The following AKAP6 variants were observed in gnomAD, a reference collection of about 807,000 sequenced individuals.
AKAP6 encodes the protein A-kinase anchor protein 6.
A neutral mutation model predicts 188.5 loss-of-function variants in AKAP6; 58 were observed. The observed-to-expected ratio is 0.31, with a 90% CI of 0.25 to 0.38. The LOEUF (loss-of-function observed/expected upper bound fraction) is 0.38. AKAP6 is among the 10% of genes least tolerant of loss of function. The pLI is 1.00. For missense variants in AKAP6, 2,710 were observed against 2,740.0 expected (o/e 0.99, Z 0.24); for synonymous variants, 989 against 998.6 (o/e 0.99, Z 0.18).
chr14:32,595,032 T>G (rs1421260166), intron 5 of AKAP6, among the ~76,000 whole-genome samples: 8 of 152,172 alleles, frequency 5.3e-5, no homozygotes, highest in Non-Finnish European at 1.2e-4. Context: ...TTCTCCATTT[T>G]TTCTTCTATT....
intron 7 of AKAP6, among the ~76,000 whole-genome samples, chr14:32,641,826 A>G (rs1424928108): frequency 1.3e-5 from 2 of 152,106 alleles, no homozygotes; most frequent in Admixed American, 1.3e-4. Flanking sequence ...AAAATGGGGG[A>G]GGGGAACACG....
chr14:32,441,506 A>C (rs1007371048), intron 2 of AKAP6, among the ~76,000 whole-genome samples: 1 of 152,166 alleles, frequency 6.6e-6, no homozygotes, highest in Non-Finnish European at 1.5e-5. Context: ...GTGCTAAATA[A>C]ATCCTTTTTT....
intron 11 of AKAP6, among the ~76,000 whole-genome samples, chr14:32,738,986 G>C (rs1347602734): frequency 1.3e-5 from 2 of 152,070 alleles, no homozygotes; most frequent in Non-Finnish European, 2.9e-5. Context: ...CCCTGCTCTA[G>C]ATTACAAAAA....
chr14:32,703,384 T>G (rs1890692666), intron 9 of AKAP6, among the ~76,000 whole-genome samples: 1 of 152,188 alleles, frequency 6.6e-6, no homozygotes, highest in Non-Finnish European at 1.5e-5. Context: ...AGCAGTGTGC[T>G]CCTAGAAAAC....
rs536231856 is a variant in AKAP6, at chr14:32,760,501, A to G, written c.3373-13177A>G. ...CTCTTAAGTTGTGGTTTGTTTTTCA[A>G]TCCACATTGCTTCTCAGATATTCAA... is the stretch of plus-strand genomic sequence containing the variant. On this transcript the variant is annotated intron_variant, in intron 11 of 13. Coordinates refer to ENST00000280979, the MANE Select transcript of AKAP6 (RefSeq NM_004274.5). Among the ~76,000 whole-genome samples, 9 of 152,286 alleles carry G rather than the reference A, an allele frequency of 5.9e-5. 1 individual carries two copies. Among genetic ancestry groups the G allele is most frequent in the African/African-American group, 1.9e-4 (8 of 41,558 alleles).
chr14:32,737,421 TATA>T (rs903414110), intron 11 of AKAP6, among the ~76,000 whole-genome samples: 1 of 152,180 alleles, frequency 6.6e-6, no homozygotes, highest in African/African-American at 2.4e-5. Context: ...ATGTTTGTAA[TATA>T]ATAATAACGT....
chr14:32,345,372 A>G (rs17098820), intron 1 of AKAP6, among the ~76,000 whole-genome samples: 2,190 of 152,332 alleles, frequency 0.014, 55 homozygotes, highest in African/African-American at 0.049. Flanking sequence ...CCACAGGTAC[A>G]GGTAAAAATT....
At chr14:32,751,055 T>C (rs1421023687) in intron 11 of AKAP6, among the ~76,000 whole-genome samples, 4 of 152,106 alleles carry the variant, frequency 2.6e-5, no homozygotes, top group Non-Finnish European at 5.9e-5. Context: ...TATACTGCAC[T>C]CTAGCCTGGG....
At chr14:32,787,978 A>AT (rs2033476173) in intron 12 of AKAP6, among the ~76,000 whole-genome samples, 1 of 147,128 alleles carries the variant, frequency 6.8e-6, no homozygotes, top group Non-Finnish European at 1.5e-5. Context: ...GAGTTCAAGG[A>AT]TGCAATGAGC....
At position 32,823,301 on chromosome 14, in the gene AKAP6, G is replaced by C. The variant is rs778409146; in HGVS notation, c.5488G>C (p.Asp1830His). The change falls in exon 13 of 14, where the codon GAT (aspartate) becomes CAT (histidine). Residue 1830 changes from aspartate to histidine, a missense_variant. This residue lies in a region of AKAP6 where 2,473 missense variants were observed against 2,426.1 expected (regional missense o/e 1.02). Transcript: ENST00000280979. ...CAGTGATGAGATGAAGGGCAGTAAA[G>C]ATATAAGTAGCAGTGAGATGACCAA... ...NVSDEMKGSK[D>H]ISSSEMTNPS... is the part of the protein sequence containing the mutation. 2.5e-6 allele frequency: 4 copies of C among 1,613,838 alleles called. No individual in the cohort carries two copies. Among genetic ancestry groups the C allele is most frequent in the Non-Finnish European group, 3.4e-6 (4 of 1,179,924 alleles).
In AKAP6 at chr14:32,773,707, T is replaced by A. The variant is rs2032967726; in HGVS notation, c.3402T>A (p.Arg1134=). The change falls in exon 12 of 14, where the codon CGT becomes CGA. Residue 1134 remains arginine (R), a synonymous_variant. Transcript: ENST00000280979. ...KSLCREIKQR[R]RGVASILRLC... ...TCTGTCGTGAAATCAAGCAACGACG[T>A]CGAGGAGTTGCCTCCATTCTGCGAC... is the stretch of plus-strand genomic sequence containing the variant. 1 of 1,614,114 alleles carries A rather than the reference T, an allele frequency of 6.2e-7. No homozygotes were observed.
intron 2 of AKAP6, among the ~76,000 whole-genome samples, chr14:32,480,140 T>G (rs8018953): frequency 0.28 from 42,145 of 152,058 alleles, 6,324 homozygotes; most frequent in African/African-American, 0.31. Context: ...TTTGCTAAAC[T>G]TCTATTTCCT....
chr14:32,537,442 T>A (rs917557845), intron 3 of AKAP6, among the ~76,000 whole-genome samples: 19 of 152,312 alleles, frequency 1.2e-4, no homozygotes, highest in Admixed American at 1.0e-3. Flanking sequence ...TTGCCCTAAA[T>A]CTGATATCCT....
intron 2 of AKAP6, among the ~76,000 whole-genome samples, chr14:32,458,122 G>A (rs1891204791): frequency 1.3e-5 from 2 of 152,168 alleles, no homozygotes; most frequent in South Asian, 2.1e-4. Flanking sequence ...CCCTAGAACT[G>A]CATTAGCATC....
chr14:32,369,737 A>G (rs1029557981), intron 1 of AKAP6, among the ~76,000 whole-genome samples: 13 of 152,234 alleles, frequency 8.5e-5, no homozygotes, highest in Non-Finnish European at 1.9e-4. Context: ...ATTGTTCTCC[A>G]TGATTTAAAC....
At chr14:32,733,015 G>A in intron 10 of AKAP6, 1 of 236,748 alleles carries the variant, frequency 4.2e-6, no homozygotes, top group Admixed American at 5.1e-5. Flanking sequence ...GATGAAAAGT[G>A]GAGTTGTCAC....
chr14:32,606,028 C>G (rs1886113011), intron 7 of AKAP6, among the ~76,000 whole-genome samples: 1 of 152,214 alleles, frequency 6.6e-6, no homozygotes, highest in Middle Eastern at 3.4e-3. Flanking sequence ...AACTTCTCCC[C>G]TAGGACTCAG....
chr14:32,798,749 T>TA (rs540297817), intron 12 of AKAP6, among the ~76,000 whole-genome samples: 1 of 151,836 alleles, frequency 6.6e-6, no homozygotes, highest in Non-Finnish European at 1.5e-5. Context: ...GAGGGTAGAA[T>TA]AAAAAAACTA....
intron 11 of AKAP6, among the ~76,000 whole-genome samples, chr14:32,744,791 C>T (rs565460815): frequency 2.0e-5 from 3 of 152,178 alleles, no homozygotes; most frequent in Non-Finnish European, 4.4e-5. Flanking sequence ...AGGCCTACTT[C>T]ATTGTTTTTA....
Sources: allele counts gnomAD v4.1 joint callset (sites outside exome capture counted in the v4.1 genomes callset), GRCh38; gene constraint gnomAD v4.1.1; regional missense constraint gnomAD v4.1.1; transcripts MANE v1.5; gene names NCBI Gene and HGNC (gene_info 2026-07-23, HGNC 2026-07-21).